Variants in GRIA3 observed in about 807,000 individuals in gnomAD.
The protein encoded by GRIA3 is glutamate receptor 3.
Under a neutral mutation model 63.0 loss-of-function variants are expected in GRIA3, and 3 were observed. The observed-to-expected ratio is 0.05, with a 90% CI of 0.02 to 0.12. The LOEUF is 0.12. GRIA3 is among the 10% of genes least tolerant of loss of function. GRIA3 has a pLI of 1.00. For missense variants in GRIA3, 347 were observed against 700.9 expected, an observed-to-expected ratio of 0.50 and a Z score of 5.70; for synonymous variants, 274 against 257.9, an observed-to-expected ratio of 1.06 and a Z score of -0.60.
chrX:123,326,761 G>C (rs768488661), intron 4 of GRIA3, among the ~76,000 whole-genome samples: 15 of 108,479 alleles, frequency 1.4e-4, no homozygotes, highest in Non-Finnish European at 2.3e-4. Context: ...CTCTGGATCA[G>C]AGAGAGAGAG....
intron 3 of GRIA3, among the ~76,000 whole-genome samples, chrX:123,297,656 A>G (rs1429565357): frequency 8.9e-6 from 1 of 111,778 alleles, no homozygotes; most frequent in Non-Finnish European, 1.9e-5. Flanking sequence ...TAGGCTCTAA[A>G]GTAAAATGGT....
At position 123,482,781 on chromosome X, in the gene GRIA3, G is replaced by A. The variant is rs200629604; in HGVS notation, c.2440-18G>A. 2.1e-4 allele frequency: 254 copies of A among 1,207,336 alleles called. No homozygotes were observed. Among genetic ancestry groups the A allele is most frequent in the Non-Finnish European group, 2.6e-4 (234 of 892,765 alleles). ...TTTGTTTTCCCCAAGATCTAATCAC[G>A]TTGTTCATTTCTCTTAGGACAAGAC... On this transcript the variant is annotated intron_variant, in intron 14 of 15. Coordinates refer to ENST00000620443, the MANE Select transcript of GRIA3 (RefSeq NM_007325.5).
chrX:123,214,709 A>G (rs180962484), intron 2 of GRIA3, among the ~76,000 whole-genome samples: 1 of 112,417 alleles, frequency 8.9e-6, no homozygotes, highest in African/African-American at 3.2e-5. Context: ...CCTATTAAGG[A>G]CTGCAAGAGG....
chrX:123,313,810 T>C (rs1424870283), intron 3 of GRIA3, among the ~76,000 whole-genome samples: 4 of 111,779 alleles, frequency 3.6e-5, no homozygotes, highest in Non-Finnish European at 7.5e-5. Flanking sequence ...GCACAGAAGT[T>C]CAGGGTATGG....
At position 123,387,434 on chromosome X, in the gene GRIA3, T is replaced by C. The variant is rs1210400409; in HGVS notation, c.751-7534T>C. Among the ~76,000 whole-genome samples the C allele has an allele frequency of 6.3e-5, 7 of 111,716 alleles. No individual in the cohort carries two copies. The East Asian group carries it at 2.0e-3, about 31-fold the overall frequency. On this transcript the variant is annotated intron_variant, in intron 5 of 15. Transcript: ENST00000620443. ...TTCCAGTATGGACCTTTCTTTTTCC[T>C]ACTTGGTTGCTCTGGGTACGACTTC... is the stretch of plus-strand genomic sequence containing the variant.
At chrX:123,256,109 C>T (rs184160836) in intron 3 of GRIA3, among the ~76,000 whole-genome samples, 1 of 111,377 alleles carries the variant, frequency 9.0e-6, no homozygotes, top group African/African-American at 3.3e-5. Context: ...CTGGAATTCT[C>T]TCCTTTATCT....
intron 10 of GRIA3, among the ~76,000 whole-genome samples, chrX:123,414,402 G>A (rs1354360225): frequency 1.8e-5 from 2 of 112,045 alleles, no homozygotes; most frequent in Admixed American, 9.4e-5. Context: ...CCGAGAACTG[G>A]CATTTCTTTT....
intron 12 of GRIA3, among the ~76,000 whole-genome samples, chrX:123,435,523 A>G (rs16997374): frequency 0.072 from 8,063 of 111,819 alleles, 702 homozygotes; most frequent in African/African-American, 0.24. Context: ...AATGCAGCAC[A>G]TGTTAAGGCA....
chrX:123,315,462 T>G (rs781356435), intron 3 of GRIA3, among the ~76,000 whole-genome samples: 2 of 112,234 alleles, frequency 1.8e-5, no homozygotes, highest in East Asian at 5.6e-4. Context: ...TAAATCAAGT[T>G]AAAACAAAAA....
At chrX:123,267,963 G>A (rs190552948) in intron 3 of GRIA3, among the ~76,000 whole-genome samples, 1 of 111,185 alleles carries the variant, frequency 9.0e-6, no homozygotes, top group East Asian at 2.8e-4. Flanking sequence ...GGGGAACACA[G>A]AAGAAAAGAG....
chrX:123,192,840 C>G (rs183657373), intron 2 of GRIA3, among the ~76,000 whole-genome samples: 106 of 111,267 alleles, frequency 9.5e-4, no homozygotes, highest in Admixed American at 3.5e-3. Context: ...ACCTAGGAAT[C>G]TTGTTAAAAC....
intron 7 of GRIA3, among the ~76,000 whole-genome samples, chrX:123,399,407 A>G (rs1469457707): frequency 8.9e-6 from 1 of 112,262 alleles, no homozygotes; most frequent in Non-Finnish European, 1.9e-5. Context: ...GCCTAAAGAA[A>G]AGTAAAAGGA....
intron 3 of GRIA3, among the ~76,000 whole-genome samples, chrX:123,263,038 C>T (rs1430036937): frequency 8.9e-6 from 1 of 111,761 alleles, no homozygotes; most frequent in East Asian, 2.8e-4. Context: ...AGGCAGTAAA[C>T]AAAGGGAGGG....
intron 5 of GRIA3, among the ~76,000 whole-genome samples, chrX:123,378,464 G>A (rs1472666173): frequency 9.5e-6 from 1 of 105,799 alleles, no homozygotes; most frequent in Non-Finnish European, 1.9e-5. Flanking sequence ...AGGCTGGAGT[G>A]CAGTGGCATG....
chrX:123,231,349 C>T (rs900689881), intron 2 of GRIA3, among the ~76,000 whole-genome samples: 7 of 110,945 alleles, frequency 6.3e-5, no homozygotes, highest in African/African-American at 2.3e-4. Context: ...CAGGGACACA[C>T]CTATGGCCGC....
At chrX:123,306,364 AAGGG>A (rs1351076518) in intron 3 of GRIA3, among the ~76,000 whole-genome samples, 2 of 112,021 alleles carry the variant, frequency 1.8e-5, no homozygotes, top group Non-Finnish European at 3.8e-5. Context: ...CCCTAGAAAG[AAGGG>A]AGGGAGTAAA....
At chrX:123,221,796 C>T (rs1167129457) in intron 2 of GRIA3, among the ~76,000 whole-genome samples, 1 of 111,628 alleles carries the variant, frequency 9.0e-6, no homozygotes, top group African/African-American at 3.3e-5. Context: ...ATATGACCTT[C>T]CTATACATAC....
intron 13 of GRIA3, among the ~76,000 whole-genome samples, chrX:123,473,148 G>C (rs2147440257): frequency 8.9e-6 from 1 of 111,937 alleles, no homozygotes; most frequent in South Asian, 3.7e-4. Context: ...CTGATCCAAG[G>C]ATAGAAGGAT....
At chrX:123,445,647 A>G (rs1198912401) in intron 12 of GRIA3, among the ~76,000 whole-genome samples, 1 of 112,456 alleles carries the variant, frequency 8.9e-6, no homozygotes, top group African/African-American at 3.2e-5. Flanking sequence ...TATACAACAC[A>G]GCAGGACCCT....
Sources: gnomAD v4.1 joint callset for allele counts (sites outside exome capture counted in the v4.1 genomes callset) on GRCh38, gnomAD v4.1.1 for gene constraint, MANE v1.5 for transcripts, NCBI Gene and HGNC (gene_info 2026-07-23, HGNC 2026-07-21) for gene names.